The following MSRA variants were observed in gnomAD, a reference collection of about 807,000 sequenced individuals.
MSRA encodes methionine sulfoxide reductase A.
MSRA carries 54 observed loss-of-function variants against 31.3 expected under a neutral mutation model. The observed-to-expected ratio is 1.73, with a 90% CI of 1.39 to 2.17. MSRA has a LOEUF of 2.17. Among genes scored for constraint, MSRA ranks in the 30% most tolerant of loss-of-function variants. The pLI is 0.00. For synonymous variants in MSRA, 169 were observed against 116.5 expected (o/e 1.45, Z -2.90); for missense variants, 507 against 300.9 (o/e 1.69, Z -5.07).
At chr8:10,391,746 C>G (rs749998174) in intron 5 of MSRA, among the ~76,000 whole-genome samples, 4 of 152,164 alleles carry the variant, frequency 2.6e-5, no homozygotes, top group East Asian at 1.9e-4. Flanking sequence ...GCCGTAGGGT[C>G]CAAGAAGAGC....
intron 5 of MSRA, among the ~76,000 whole-genome samples, chr8:10,407,594 G>A (rs923832731): frequency 3.3e-5 from 5 of 152,176 alleles, no homozygotes; most frequent in East Asian, 1.9e-4. Context: ...AAGACCAACC[G>A]CTTTGGGAAA....
At chr8:10,405,055 G>C (rs1028049297) in intron 5 of MSRA, among the ~76,000 whole-genome samples, 5 of 152,216 alleles carry the variant, frequency 3.3e-5, no homozygotes, top group Non-Finnish European at 7.4e-5. Context: ...GTGTGGTCTG[G>C]TGGATGTCGG....
chr8:10,271,804 G>A (rs922807945), intron 3 of MSRA, among the ~76,000 whole-genome samples: 73 of 150,506 alleles, frequency 4.9e-4, no homozygotes, highest in Admixed American at 1.7e-3. Context: ...CCGCAACCTC[G>A]GCCTCCTGGG....
At chr8:10,371,668 A>G (rs1805485117) in intron 5 of MSRA, among the ~76,000 whole-genome samples, 1 of 152,102 alleles carries the variant, frequency 6.6e-6, no homozygotes, top group Admixed American at 6.6e-5. Flanking sequence ...CCTGTTAGCT[A>G]CCAGAAGCTC....
At chr8:10,123,330 T>A (rs1007931137) in intron 1 of MSRA, among the ~76,000 whole-genome samples, 2 of 152,256 alleles carry the variant, frequency 1.3e-5, no homozygotes, top group South Asian at 4.1e-4. Flanking sequence ...TGTTGTCTAT[T>A]GAAAAGTGTC....
chr8:10,427,134 G>A (rs1453874659), intron 5 of MSRA, among the ~76,000 whole-genome samples: 1 of 152,224 alleles, frequency 6.6e-6, no homozygotes, highest in Non-Finnish European at 1.5e-5. Context: ...TGGACAGTCA[G>A]AGTGTGGTTG....
chr8:10,407,631 C>T (rs989137146), intron 5 of MSRA, among the ~76,000 whole-genome samples: 3 of 151,922 alleles, frequency 2.0e-5, no homozygotes, highest in Non-Finnish European at 2.9e-5. Context: ...CGGGTTTGCA[C>T]GGGGTGCGTT....
chr8:10,150,399 C>T (rs990907692), intron 1 of MSRA, among the ~76,000 whole-genome samples: 1 of 152,150 alleles, frequency 6.6e-6, no homozygotes, highest in Non-Finnish European at 1.5e-5. Context: ...ACTATTGCTG[C>T]ATTATATTAA....
chr8:10,274,820 C>T (rs975967023), intron 3 of MSRA, among the ~76,000 whole-genome samples: 18 of 152,106 alleles, frequency 1.2e-4, no homozygotes, highest in African/African-American at 4.3e-4. Flanking sequence ...TCCATCTACC[C>T]ATCCACCCAC....
At chr8:10,204,843 G>T (rs1393977240) in intron 1 of MSRA, among the ~76,000 whole-genome samples, 1 of 152,136 alleles carries the variant, frequency 6.6e-6, no homozygotes, top group Non-Finnish European at 1.5e-5. Context: ...GTGTCCATAC[G>T]CTGAGAGAGG....
intron 1 of MSRA, among the ~76,000 whole-genome samples, chr8:10,148,047 G>A (rs758772947): frequency 1.3e-5 from 2 of 152,246 alleles, no homozygotes; most frequent in East Asian, 1.9e-4. Context: ...GGGCACAGCC[G>A]TGGGGCTGAC....
intron 1 of MSRA, among the ~76,000 whole-genome samples, chr8:10,061,776 G>T (rs1217386115): frequency 2.0e-5 from 3 of 152,188 alleles, no homozygotes; most frequent in African/African-American, 7.2e-5. Context: ...TTCCAGTAGT[G>T]GTGATAGATT....
At chr8:10,247,633 C>G (rs544511759) in intron 3 of MSRA, among the ~76,000 whole-genome samples, 1 of 152,126 alleles carries the variant, frequency 6.6e-6, no homozygotes, top group African/African-American at 2.4e-5. Flanking sequence ...GTAAAGAACT[C>G]GATTGGATAT....
At chr8:10,079,595 C>G (rs917303452) in intron 1 of MSRA, among the ~76,000 whole-genome samples, 1 of 152,186 alleles carries the variant, frequency 6.6e-6, no homozygotes, top group African/African-American at 2.4e-5. Context: ...AGTGTCACAT[C>G]ATGAAGCTTT....
chr8:10,367,236 T>C (rs756358616), intron 5 of MSRA, among the ~76,000 whole-genome samples: 3 of 152,100 alleles, frequency 2.0e-5, no homozygotes, highest in Non-Finnish European at 4.4e-5. Context: ...GATCACAAGA[T>C]GGGTGAGTAA....
chr8:10,310,322 G>C (rs933633824), intron 4 of MSRA, among the ~76,000 whole-genome samples: 1 of 152,174 alleles, frequency 6.6e-6, no homozygotes, highest in African/African-American at 2.4e-5. Context: ...TTCAGAAACA[G>C]AGAAAAATGA....
Position 10,316,248 on chromosome 8 carries a change from T to C in MSRA, c.437-3635T>C, listed in dbSNP as rs764737874. The stretch of plus-strand genomic sequence containing the variant: ...TCCACCTTTTTTTTTTTTACTTAAA[T>C]TATATATATTTACAAATCGGAATAA... On this transcript the variant is annotated intron_variant, in intron 4 of 5. Transcript: ENST00000317173. 6.3e-4 allele frequency among the ~76,000 whole-genome samples: 96 copies of C among 151,814 alleles called. 1 individual carries two copies. Among genetic ancestry groups the C allele is most frequent in the Non-Finnish European group, 1.0e-3 (69 of 67,932 alleles).
chr8:10,279,589 C>T (rs566674435), intron 3 of MSRA, among the ~76,000 whole-genome samples: 2 of 152,164 alleles, frequency 1.3e-5, no homozygotes, highest in South Asian at 4.1e-4. Flanking sequence ...TCCCCATATG[C>T]ATCCCCACCC....
intron 1 of MSRA, among the ~76,000 whole-genome samples, chr8:10,139,475 A>G (rs1218890006): frequency 6.6e-6 from 1 of 152,306 alleles, no homozygotes; most frequent in Admixed American, 6.5e-5. Context: ...GCCGTCACCC[A>G]AACAGTGTGC....
Sources: gnomAD v4.1 joint callset for allele counts (sites outside exome capture counted in the v4.1 genomes callset) on GRCh38, gnomAD v4.1.1 for gene constraint, MANE v1.5 for transcripts, NCBI Gene and HGNC (gene_info 2026-07-23, HGNC 2026-07-21) for gene names.